Variants in BUD13 observed in about 807,000 individuals in gnomAD.
BUD13 encodes the protein BUD13 spliceosome associated protein.
BUD13 carries 47 observed loss-of-function variants against 62.5 expected under a neutral mutation model. The observed-to-expected ratio is 0.75, with a 90% CI of 0.60 to 0.96. The LOEUF (loss-of-function observed/expected upper bound fraction) is 0.96. Among genes scored for constraint, BUD13 ranks in the 40% least tolerant of loss-of-function variants. The pLI, the probability that BUD13 is intolerant of heterozygous loss-of-function variation, is 0.00. For missense variants in BUD13, 821 were observed against 790.9 expected, an observed-to-expected ratio of 1.04 and a Z score of -0.46; for synonymous variants, 293 against 280.1, an observed-to-expected ratio of 1.05 and a Z score of -0.46.
At chr11:116,757,673 G>A in intron 8 of BUD13, 93 bp downstream of exon 8, 1 of 1,320,636 alleles carries the variant, frequency 7.6e-7, no homozygotes, top group Non-Finnish European at 1.0e-6. Context: ...TAAATTATTT[G>A]GGAAATCCTT....
rs546617157 is a variant in BUD13 at position 116,766,330 on chromosome 11, T to C, written c.238-884A>G. ...TAAAGAAAGGCTCCACACTACTGAA[T>C]AGCAAACTGATTCGGAGAAGTTCAG... On this transcript the variant is annotated intron_variant, in intron 2 of 9. Transcript: ENST00000260210. Among the ~76,000 whole-genome samples, 3 of 152,328 alleles carry C rather than the reference T, an allele frequency of 2.0e-5. No individual in the cohort carries two copies. The East Asian group carries it at 5.8e-4, about 29-fold the overall frequency.
At chr11:116,770,797 GTCTTTT>G (rs1940614180) in intron 1 of BUD13, among the ~76,000 whole-genome samples, 1 of 148,624 alleles carries the variant, frequency 6.7e-6, no homozygotes, top group African/African-American at 2.5e-5. Flanking sequence ...CCCGGCCCTA[GTCTTTT>G]TCTTTTTTGA....
At chr11:116,759,329 T>C in intron 5 of BUD13, 150 bp from the exon 6 acceptor site, 1 of 578,230 alleles carries the variant, frequency 1.7e-6, no homozygotes, top group Non-Finnish European at 3.1e-6. Context: ...ACCATAGGAT[T>C]CAAAAACTAT....
intron 9 of BUD13, among the ~76,000 whole-genome samples, chr11:116,754,601 T>C (rs907301618): frequency 1.3e-5 from 2 of 152,150 alleles, no homozygotes; most frequent in Admixed American, 6.5e-5. Context: ...ATAAAGGATA[T>C]CTACAAAAAA....
rs191480130 is a variant in BUD13 at position 116,765,985 on chromosome 11, C to T, written c.238-539G>A. On this transcript the variant is annotated intron_variant, in intron 2 of 9. Coordinates refer to ENST00000260210, the MANE Select transcript of BUD13 (RefSeq NM_032725.4). Reference sequence around the variant, plus strand: ...ATTTCATATCTTCTAAACTTCTGAACAAATCAGAATCTTCTCTATAGTATT... The same window carrying T: ...ATTTCATATCTTCTAAACTTCTGAATAAATCAGAATCTTCTCTATAGTATT... Among the ~76,000 whole-genome samples the T allele has an allele frequency of 6.6e-5, 10 of 152,332 alleles. No individual in the cohort carries two copies. The East Asian group carries it at 1.9e-3, about 29-fold the overall frequency.
intron 9 of BUD13, among the ~76,000 whole-genome samples, chr11:116,754,968 G>C (rs556283713): frequency 6.6e-6 from 1 of 152,298 alleles, no homozygotes; most frequent in East Asian, 1.9e-4. Context: ...ATTTAAAAAA[G>C]TGACCAGACA....
chr11:116,769,214 C>T (rs1270299841), intron 2 of BUD13, among the ~76,000 whole-genome samples: 1 of 152,174 alleles, frequency 6.6e-6, no homozygotes, highest in East Asian at 1.9e-4. Flanking sequence ...CTTACTTACC[C>T]TTCAAAACTC....
In BUD13 at chr11:116,762,679, C is replaced by T; in HGVS notation, c.910G>A (p.Glu304Lys). 1 of 1,614,154 alleles carries T rather than the reference C, an allele frequency of 6.2e-7. No homozygotes were observed. Among genetic ancestry groups the T allele is most frequent in the Non-Finnish European group, 8.5e-7 (1 of 1,180,012 alleles). ...AATGACAAATGGGAGGCTCCTGACT[C>T]CTTCCAATGTGGAGAAGTCTTGCTA... ...ASSKTSPHWK[E>K]SGASHLSFPK... Residue 304 changes from glutamate to lysine, a missense_variant, in exon 4 of 10, where the codon GAG becomes AAG. Around this residue, in one of 2 missense-constraint regions of BUD13, gnomAD observed 800 missense variants for 739.2 expected, o/e 1.08. Transcript: ENST00000260210.
chr11:116,748,585 A>C lies in BUD13; in HGVS notation c.1767-10T>G. 1 of 1,613,834 alleles carries C rather than the reference A, an allele frequency of 6.2e-7. No individual in the cohort carries two copies. The highest frequency in any genetic ancestry group is 1.1e-5 in the South Asian group (1 of 91,076). The stretch of plus-strand genomic sequence containing the variant: ...TTCAAATCCATTGGATCTGCAATCA[A>C]AAGAGACATACTATTCAGCTAGAAC... On this transcript the variant is annotated splice_polypyrimidine_tract_variant and intron_variant, in intron 9 of 9. Coordinates refer to ENST00000260210, the MANE Select transcript of BUD13 (RefSeq NM_032725.4).
chr11:116,770,073 A>AT, intron 2 of BUD13, 56 bp downstream of exon 2: 1 of 1,352,474 alleles, frequency 7.4e-7, no homozygotes, highest in Non-Finnish European at 1.0e-6. Context: ...AAAAAAAAAA[A>AT]GGAAATTGAG....
intron 3 of BUD13, among the ~76,000 whole-genome samples, 191 bp from the exon 4 acceptor site, chr11:116,763,457 C>T (rs17440824): frequency 0.12 from 18,009 of 152,174 alleles, 1,222 homozygotes; most frequent in Admixed American, 0.21. Flanking sequence ...ATAACCCCTC[C>T]GCCTACCAAG....
intron 1 of BUD13, among the ~76,000 whole-genome samples, chr11:116,771,697 A>G (rs1388281660): frequency 6.6e-6 from 1 of 152,200 alleles, no homozygotes; most frequent in Non-Finnish European, 1.5e-5. Flanking sequence ...CAAAGGATCC[A>G]CACAAGTCAG....
intron 7 of BUD13, 100 bp downstream of exon 7, chr11:116,758,169 A>G: frequency 2.0e-6 from 3 of 1,527,220 alleles, no homozygotes; most frequent in Non-Finnish European, 2.7e-6. Flanking sequence ...TACTGATAAC[A>G]GCTCTGAAGG....
At chr11:116,758,980 A>C (rs1165767750) in intron 6 of BUD13, 94 bp downstream of exon 6, 6 of 852,364 alleles carry the variant, frequency 7.0e-6, no homozygotes, top group Non-Finnish European at 1.1e-5. Flanking sequence ...ATTTGATAGC[A>C]ATTAAAAGTT....
intron 9 of BUD13, among the ~76,000 whole-genome samples, chr11:116,748,891 A>G (rs1408052232): frequency 6.6e-6 from 1 of 150,424 alleles, no homozygotes; most frequent in Non-Finnish European, 1.5e-5. Flanking sequence ...AGGCTGACGC[A>G]GGAGAATCGC....
At chr11:116,770,320 A>C in intron 1 of BUD13, 98 bp from the exon 2 acceptor site, 1 of 983,762 alleles carries the variant, frequency 1.0e-6, no homozygotes, top group Non-Finnish European at 1.5e-6. Context: ...ATCCTACAGG[A>C]TCCTGCATGG....
intron 9 of BUD13, among the ~76,000 whole-genome samples, chr11:116,749,725 G>A (rs1054800715): frequency 9.9e-5 from 15 of 152,172 alleles, no homozygotes; most frequent in East Asian, 7.7e-4. Context: ...ATCCAGAAAC[G>A]ATGGGTTTAA....
chr11:116,761,515 A>G (rs1426774764), intron 4 of BUD13, among the ~76,000 whole-genome samples: 1 of 152,236 alleles, frequency 6.6e-6, no homozygotes, highest in East Asian at 1.9e-4. Context: ...ACCAACAGGT[A>G]GAATATGGCA....
In BUD13 at chr11:116,748,177, A is replaced by T. The variant is rs1242418638; in HGVS notation, c.*305T>A. 5 of 243,812 alleles carry T rather than the reference A, an allele frequency of 2.1e-5. 1 individual carries two copies. The highest frequency in any genetic ancestry group is 1.5e-4 in the Admixed American group (3 of 19,970). The allele number at this position is 243,812 out of a possible 1,614,324, so 15.1% of individuals were successfully genotyped here. A position where few individuals can be genotyped will look rare whatever the true frequency, so the allele number is the denominator to read the frequency against. On this transcript the variant is annotated 3_prime_UTR_variant, in exon 10 of 10. Coordinates refer to ENST00000260210, the MANE Select transcript of BUD13 (RefSeq NM_032725.4). Reference sequence around the variant, plus strand: ...AATACCCAGTTAAGAAGATAATTTTAAAAAAATAAATACATGTTTATTTAA... The same window carrying T: ...AATACCCAGTTAAGAAGATAATTTTTAAAAAATAAATACATGTTTATTTAA...
Sources: gnomAD v4.1 joint callset for allele counts (sites outside exome capture counted in the v4.1 genomes callset) on GRCh38, gnomAD v4.1.1 for gene constraint, gnomAD v4.1.1 regional missense constraint, MANE v1.5 for transcripts, NCBI Gene and HGNC (gene_info 2026-07-23, HGNC 2026-07-21) for gene names.